Variants in TENM2 observed in about 807,000 individuals in gnomAD.
TENM2 encodes the protein teneurin-2.
A neutral mutation model predicts 245.2 loss-of-function variants in TENM2; 52 were observed. The ratio of observed to expected loss-of-function variants is 0.21; its 90% CI spans 0.17 to 0.27. TENM2 has a LOEUF of 0.27. Ranked by LOEUF, TENM2 falls within the 10% of genes least tolerant of loss-of-function variation. The pLI is 1.00. For synonymous variants in TENM2, 1,363 were observed against 1,438.9 expected (o/e 0.95, Z 1.19); for missense variants, 3,046 against 3,666.8 (o/e 0.83, Z 4.37).
At chr5:168,228,061 C>T in exon 25 of TENM2, 1 of 1,613,928 alleles carries the variant, frequency 6.2e-7, no homozygotes, top group Non-Finnish European at 8.5e-7. Flanking sequence ...ATGGCTTAAA[C>T]TCCATTGAGT....
At chr5:168,100,957 G>C (rs1032705361) in intron 9 of TENM2, among the ~76,000 whole-genome samples, 1 of 149,212 alleles carries the variant, frequency 6.7e-6, no homozygotes, top group African/African-American at 2.5e-5. Flanking sequence ...GATGCTGCCC[G>C]ACAGCTCTCA....
intron 2 of TENM2, among the ~76,000 whole-genome samples, chr5:167,518,152 C>T (rs922877533): frequency 6.7e-6 from 1 of 150,096 alleles, no homozygotes; most frequent in African/African-American, 2.5e-5. Flanking sequence ...TAGAGCAAGA[C>T]CCTGTCTCAA....
intron 2 of TENM2, among the ~76,000 whole-genome samples, chr5:167,413,392 T>C (rs1326753876): frequency 6.6e-6 from 1 of 152,126 alleles, no homozygotes. Context: ...AGAGTGAGCA[T>C]GGATAAACTT....
intron 5 of TENM2, among the ~76,000 whole-genome samples, chr5:168,013,625 A>ACAAAACAAAC: frequency 6.6e-6 from 1 of 151,750 alleles, no homozygotes; most frequent in African/African-American, 2.4e-5. Context: ...ACAAAACAAA[A>ACAAAACAAAC]CAAAACAAAA....
intron 4 of TENM2, among the ~76,000 whole-genome samples, chr5:167,969,786 C>G (rs1781638560): frequency 6.6e-6 from 1 of 152,222 alleles, no homozygotes; most frequent in Non-Finnish European, 1.5e-5. Context: ...TTCAACAACA[C>G]TCCCTTGATT....
chr5:167,967,065 T>G (rs2151907863), intron 4 of TENM2: 1 of 152,340 alleles, frequency 6.6e-6, no homozygotes, highest in South Asian at 2.1e-4. Context: ...ATTTTGCAGT[T>G]TTCTTAGTCT....
chr5:167,956,031 G>A (rs1780529529), intron 4 of TENM2, among the ~76,000 whole-genome samples: 2 of 152,114 alleles, frequency 1.3e-5, no homozygotes, highest in Non-Finnish European at 2.9e-5. Context: ...GCTTGATGGG[G>A]ATAGCATTGA....
At chr5:168,176,820 C>T (rs779843968) in intron 13 of TENM2, among the ~76,000 whole-genome samples, 7 of 152,196 alleles carry the variant, frequency 4.6e-5, no homozygotes, top group Non-Finnish European at 7.3e-5. Flanking sequence ...AAATACATTT[C>T]ATTTTAGGAT....
the TENM2 span, among the ~76,000 whole-genome samples, chr5:167,108,053 C>A: frequency 6.6e-6 from 1 of 152,182 alleles, no homozygotes; most frequent in Admixed American, 6.5e-5. Context: ...TATTTAAGAT[C>A]CCTCGTTCTC....
At chr5:168,154,146 T>TAAAAAAAAAAAAAAAA (rs1562223601) in intron 12 of TENM2, among the ~76,000 whole-genome samples, 8 of 75,722 alleles carry the variant, frequency 1.1e-4, no homozygotes, top group Admixed American at 2.9e-4. Flanking sequence ...ATCACCTACT[T>TAAAAAAAAAAAAAAAA]TAAAAAAAAA....
At chr5:167,829,455 A>G (rs1768277157) in intron 2 of TENM2, among the ~76,000 whole-genome samples, 1 of 152,220 alleles carries the variant, frequency 6.6e-6, no homozygotes, top group Non-Finnish European at 1.5e-5. Flanking sequence ...TGTAAACATG[A>G]AGCAATTTGC....
At chr5:167,853,518 C>T (rs993628454) in intron 2 of TENM2, among the ~76,000 whole-genome samples, 8 of 151,940 alleles carry the variant, frequency 5.3e-5, no homozygotes, top group African/African-American at 1.9e-4. Context: ...AAATTTCACT[C>T]ATAACATACT....
At chr5:167,228,469 A>G in the TENM2 span, among the ~76,000 whole-genome samples, 1 of 151,844 alleles carries the variant, frequency 6.6e-6, no homozygotes, top group Non-Finnish European at 1.5e-5. Flanking sequence ...TTTCTCATTT[A>G]TATCCTGAAT....
intron 2 of TENM2, among the ~76,000 whole-genome samples, chr5:167,695,327 G>A (rs1757691381): frequency 6.6e-6 from 1 of 152,140 alleles, no homozygotes; most frequent in African/African-American, 2.4e-5. Flanking sequence ...AAAACGTAAG[G>A]AATGGGTGTG....
the TENM2 span, among the ~76,000 whole-genome samples, chr5:167,084,327 TTATATATATATATATA>T: frequency 0.016 from 379 of 23,182 alleles, 25 homozygotes; most frequent in African/African-American, 0.023. Flanking sequence ...GCCATTTTAG[TTATATATATATATATA>T]TATATATATA....
At chr5:168,195,970 G>A (rs1351531572) in intron 15 of TENM2, among the ~76,000 whole-genome samples, 1 of 152,058 alleles carries the variant, frequency 6.6e-6, no homozygotes, top group African/African-American at 2.4e-5. Context: ...ATTTAAAGAA[G>A]AAGAAAAGAA....
At chr5:167,097,214 A>G in the TENM2 span, among the ~76,000 whole-genome samples, 1 of 152,076 alleles carries the variant, frequency 6.6e-6, no homozygotes, top group African/African-American at 2.4e-5. Flanking sequence ...TATTTTAAAG[A>G]CGATTTGATC....
At chr5:167,173,572 A>T in the TENM2 span, among the ~76,000 whole-genome samples, 1 of 152,202 alleles carries the variant, frequency 6.6e-6, no homozygotes, top group South Asian at 2.1e-4. Flanking sequence ...GCATGTTGGA[A>T]CCTTGATTTT....
chr5:167,123,124 C>T, the TENM2 span, among the ~76,000 whole-genome samples: 1 of 150,692 alleles, frequency 6.6e-6, no homozygotes, highest in African/African-American at 2.5e-5. Flanking sequence ...ATGGCGAAAC[C>T]CCATCTCTAC....
Sources: allele counts gnomAD v4.1 joint callset (sites outside exome capture counted in the v4.1 genomes callset), GRCh38; gene constraint gnomAD v4.1.1; transcripts MANE v1.5; gene names NCBI Gene and HGNC (gene_info 2026-07-23, HGNC 2026-07-21).